DGKG: variants seen among roughly 807,000 people sequenced by gnomAD.
DGKG encodes DAG kinase gamma.
In DGKG, 78 loss-of-function variants were observed where a neutral mutation model predicts 105.3. The ratio of observed to expected loss-of-function variants is 0.74; its 90% confidence interval spans 0.62 to 0.89. The LOEUF (loss-of-function observed/expected upper bound fraction) is 0.89. Among genes scored for constraint, DGKG ranks in the 40% least tolerant of loss-of-function variants. The pLI, the probability that DGKG is intolerant of heterozygous loss-of-function variation, is 0.00. For missense variants in DGKG, 958 were observed against 1,020.1 expected (o/e 0.94, Z 0.83); for synonymous variants, 346 against 367.1 (o/e 0.94, Z 0.66).
Position 186,211,833 on chromosome 3 carries a change from C to CTGCAAAAGTCTCCGAGG in DGKG, c.1862_1878dup (p.Ala627ProfsTer27). On this transcript the variant is annotated frameshift_variant, in exon 21 of 25. Coordinates refer to ENST00000265022, the MANE Select transcript of DGKG (RefSeq NM_001346.3). LOFTEE classifies it high-confidence loss of function. ...TGGTCGTGGAGTTTCTTGCAGGTCGCTGCAAAAGTCTCCGAGGTGCCAAAT... is the reference window on the plus strand; with the variant it reads ...TGGTCGTGGAGTTTCTTGCAGGTCGCTGCAAAAGTCTCCGAGGTGCAAAAGTCTCCGAGGTGCCAAAT... 2 of 1,614,210 alleles carry CTGCAAAAGTCTCCGAGG rather than the reference C, an allele frequency of 1.2e-6. No homozygotes were observed. The highest frequency in any genetic ancestry group is 1.7e-6 in the Non-Finnish European group (2 of 1,180,038).
intron 13 of DGKG, 116 bp from the exon 14 acceptor site, chr3:186,265,422 G>C (rs1467609523): frequency 3.3e-6 from 3 of 907,822 alleles, no homozygotes; most frequent in Non-Finnish European, 5.2e-6. Flanking sequence ...AGCTAGTGTA[G>C]TATGGAGACG....
chr3:186,273,593 T>C (rs944125487), intron 10 of DGKG, among the ~76,000 whole-genome samples: 4 of 152,068 alleles, frequency 2.6e-5, no homozygotes, highest in African/African-American at 9.7e-5. Context: ...CAAGATGATC[T>C]TGGTCTCCTG....
intron 19 of DGKG, among the ~76,000 whole-genome samples, chr3:186,247,675 A>C (rs777621662): frequency 6.6e-5 from 10 of 152,150 alleles, no homozygotes; most frequent in Non-Finnish European, 1.2e-4. Context: ...CGAGCATACA[A>C]ACCCTGCAAA....
chr3:186,244,048 C>T (rs748508249), intron 19 of DGKG, among the ~76,000 whole-genome samples: 6 of 151,936 alleles, frequency 3.9e-5, no homozygotes, highest in Non-Finnish European at 7.4e-5. Flanking sequence ...AGGTGCCTAC[C>T]ATCACACCGG....
chr3:186,191,512 G>A (rs1049665227), intron 21 of DGKG, among the ~76,000 whole-genome samples: 1 of 152,196 alleles, frequency 6.6e-6, no homozygotes, highest in Non-Finnish European at 1.5e-5. Flanking sequence ...GTGTTTCAAA[G>A]CCAGTTAGTT....
chr3:186,282,846 C>T (rs1254618107), intron 7 of DGKG, among the ~76,000 whole-genome samples: 2 of 152,032 alleles, frequency 1.3e-5, no homozygotes, highest in Non-Finnish European at 2.9e-5. Flanking sequence ...ATAAGTCAAT[C>T]ACATCACTCC....
Position 186,321,519 on chromosome 3 carries a change from G to T in DGKG, c.-248-812C>A, listed in dbSNP as rs559411221. Among the ~76,000 whole-genome samples the T allele has an allele frequency of 7.9e-5, 12 of 152,280 alleles. No individual in the cohort carries two copies. The South Asian group carries it at 2.5e-3, about 32-fold the overall frequency. On this transcript the variant is annotated intron_variant, in intron 1 of 24. Transcript: ENST00000265022. The stretch of plus-strand genomic sequence containing the variant: ...ATTCTCAGTTGAGGTTACAAGCATG[G>T]TTGGGAAGCCACCAACCTAAAAAGG...
At chr3:186,215,400 G>T (rs541148037) in intron 20 of DGKG, among the ~76,000 whole-genome samples, 200 of 132,646 alleles carry the variant, frequency 1.5e-3, no homozygotes, top group African/African-American at 5.2e-3. Flanking sequence ...GATAGAGTGA[G>T]ACCCCCATCT....
intron 5 of DGKG, 79 bp downstream of exon 5, chr3:186,297,342 T>A (rs1226914973): frequency 9.2e-7 from 1 of 1,081,980 alleles, no homozygotes. Context: ...GACAGCACTG[T>A]TGGTTAGGTT....
At chr3:186,251,679 C>A in intron 19 of DGKG, 80 bp downstream of exon 19, 1 of 1,545,146 alleles carries the variant, frequency 6.5e-7, no homozygotes, top group East Asian at 2.3e-5. Flanking sequence ...ACACTAGGGA[C>A]CCAGAGGGGA....
chr3:186,305,846 G>A (rs1045440802), intron 3 of DGKG, among the ~76,000 whole-genome samples: 11 of 152,216 alleles, frequency 7.2e-5, no homozygotes, highest in African/African-American at 2.4e-4. Context: ...ATAACTTGAA[G>A]GGTAGAGTTG....
intron 1 of DGKG, among the ~76,000 whole-genome samples, chr3:186,328,615 G>T (rs116310828): frequency 6.9e-6 from 1 of 144,726 alleles, no homozygotes; most frequent in Admixed American, 7.0e-5. Context: ...TTGCTCTGCC[G>T]CCCAGACTGG....
chr3:186,316,732 A>T (rs1174294369), intron 2 of DGKG, among the ~76,000 whole-genome samples: 1 of 152,176 alleles, frequency 6.6e-6, no homozygotes, highest in Non-Finnish European at 1.5e-5. Flanking sequence ...CACTATATAA[A>T]TGGAAAACAA....
At chr3:186,209,090 CTTCT>C (rs1350563914) in intron 21 of DGKG, among the ~76,000 whole-genome samples, 1 of 99,624 alleles carries the variant, frequency 1.0e-5, no homozygotes, top group East Asian at 2.5e-4. Flanking sequence ...TCAGTTTACT[CTTCT>C]TTTTTTTTTT....
chr3:186,272,131 G>T, intron 11 of DGKG, 124 bp downstream of exon 11: 2 of 718,196 alleles, frequency 2.8e-6, no homozygotes, highest in Non-Finnish European at 4.9e-6. Context: ...TTTACAGGTG[G>T]TCCTCAAGGC....
chr3:186,268,517 G>A (rs747564960), intron 12 of DGKG, among the ~76,000 whole-genome samples: 1 of 152,178 alleles, frequency 6.6e-6, no homozygotes, highest in Non-Finnish European at 1.5e-5. Flanking sequence ...GTTCATAGTC[G>A]GGGCTGCTGA....
chr3:186,251,887 T>C lies in DGKG; in HGVS notation c.1633A>G (p.Lys545Glu), dbSNP rs1315197647. 47 of 1,596,544 alleles carry C rather than the reference T, an allele frequency of 2.9e-5. No homozygotes were observed. In the Admixed American group the frequency reaches 7.9e-4, roughly 27 times the overall value. ...ACCAAGGGGCTCTGCTCAATGTCTT[T>C]CAGGATTTTTGTCAAGCTGCCCCCT... ...YEGGSLTKIL[K>E]DIEQSPLVML... The change falls in exon 19 of 25, where the codon AAA (lysine) becomes GAA (glutamate). Residue 545 changes from lysine to glutamate, a missense_variant. Physicochemically the swap from Lys to Glu is moderately conservative, Grantham distance 56 (BLOSUM62 1). Around this residue, in one of 2 missense-constraint regions of DGKG, gnomAD observed 315 missense variants for 400.6 expected, o/e 0.79. Transcript: ENST00000265022.
intron 1 of DGKG, among the ~76,000 whole-genome samples, chr3:186,346,963 C>T (rs567197703): frequency 1.3e-4 from 20 of 152,044 alleles, no homozygotes; most frequent in Non-Finnish European, 2.6e-4. Flanking sequence ...TTTATTGTAT[C>T]ATTTAATGAT....
chr3:186,232,273 C>T (rs1034997871), intron 20 of DGKG, among the ~76,000 whole-genome samples: 3 of 152,218 alleles, frequency 2.0e-5, no homozygotes, highest in Non-Finnish European at 2.9e-5. Flanking sequence ...ATCACCTTCC[C>T]TTCATAACCT....
Sources: gnomAD v4.1 joint callset for allele counts (sites outside exome capture counted in the v4.1 genomes callset) on GRCh38, gnomAD v4.1.1 for gene constraint, gnomAD v4.1.1 regional missense constraint, MANE v1.5 for transcripts, NCBI Gene and HGNC (gene_info 2026-07-23, HGNC 2026-07-21) for gene names.